The following SREBF2 variants were observed in gnomAD, a reference collection of about 807,000 sequenced individuals.
SREBF2 encodes the protein sterol regulatory element-binding protein 2.
In SREBF2, 55 loss-of-function variants were observed where a neutral mutation model predicts 113.1. The ratio of observed to expected loss-of-function variants is 0.49; its 90% CI spans 0.39 to 0.61. SREBF2 has a LOEUF of 0.61. SREBF2 is among the 20% of genes least tolerant of loss of function. The pLI, the probability that SREBF2 is intolerant of heterozygous loss-of-function variation, is 0.00. For synonymous variants in SREBF2, 593 were observed against 605.7 expected (o/e 0.98, Z 0.31); for missense variants, 1,349 against 1,487.4 (o/e 0.91, Z 1.53).
In SREBF2 at chr22:41,905,752, GTCT is replaced by G; in HGVS notation, c.*97_*99del. The G allele has an allele frequency of 1.4e-6, 2 of 1,400,256 alleles. No homozygotes were observed. The highest frequency in any genetic ancestry group is 5.0e-5 in the East Asian group (2 of 40,190). 86.7% of individuals were successfully genotyped at this position (1,400,256 alleles called of 1,614,324 possible). The stretch of plus-strand genomic sequence containing the variant: ...GCTGAGAGTGGTGGGGAAGAGCCTT[GTCT>G]TCTTAGCTGTCACCTGCCGAGGCTT... On this transcript the variant is annotated 3_prime_UTR_variant, in exon 19 of 19. Transcript: ENST00000361204.
At chr22:41,850,272 A>C (rs1387626258) in intron 1 of SREBF2, among the ~76,000 whole-genome samples, 1 of 151,652 alleles carries the variant, frequency 6.6e-6, no homozygotes, top group Non-Finnish European at 1.5e-5. Flanking sequence ...ACATGGTGAA[A>C]CCCTGTCTCT....
At chr22:41,846,494 C>T (rs560310765) in intron 1 of SREBF2, among the ~76,000 whole-genome samples, 4 of 152,280 alleles carry the variant, frequency 2.6e-5, no homozygotes, top group Admixed American at 6.5e-5. Flanking sequence ...ATGGGAGGGT[C>T]GGGTCTGATG....
At chr22:41,896,614 C>T (rs2148415393) in intron 13 of SREBF2, among the ~76,000 whole-genome samples, 1 of 152,334 alleles carries the variant, frequency 6.6e-6, no homozygotes, top group Non-Finnish European at 1.5e-5. Flanking sequence ...CTGCCTTGGC[C>T]TCCCAAAGTG....
intron 10 of SREBF2, 81 bp from the exon 11 acceptor site, chr22:41,884,761 C>A: frequency 1.3e-6 from 2 of 1,504,146 alleles, no homozygotes; most frequent in Non-Finnish European, 1.8e-6. Context: ...TCCTCTCTTA[C>A]TTTGATCGTG....
At chr22:41,835,039 A>G (rs180707890) in intron 1 of SREBF2, among the ~76,000 whole-genome samples, 125 of 152,270 alleles carry the variant, frequency 8.2e-4, no homozygotes, top group African/African-American at 2.9e-3. Flanking sequence ...AAAGTACTGT[A>G]TGTCTATAGC....
intron 11 of SREBF2, among the ~76,000 whole-genome samples, chr22:41,887,221 GA>G (rs897543400): frequency 3.2e-4 from 43 of 135,220 alleles, no homozygotes; most frequent in Admixed American, 5.8e-4. Context: ...TCCGTCTCAA[GA>G]AAAAAAAAAA....
chr22:41,883,693 C>T (rs1470701004), intron 10 of SREBF2, among the ~76,000 whole-genome samples: 1 of 152,178 alleles, frequency 6.6e-6, no homozygotes, highest in Non-Finnish European at 1.5e-5. Context: ...AGGAGGAACA[C>T]CTGAGGCCAG....
chr22:41,833,244 G>C lies in SREBF2; in HGVS notation c.-27G>C, dbSNP rs1331550507. 2 of 1,505,756 alleles carry C rather than the reference G, an allele frequency of 1.3e-6. No individual in the cohort carries two copies. Among genetic ancestry groups the C allele is most frequent in the African/African-American group, 1.4e-5 (1 of 69,574 alleles). The allele number at this position is 1,505,756 out of a possible 1,614,324, so 93.3% of individuals were successfully genotyped here. A position where few individuals can be genotyped will look rare whatever the true frequency, so the allele number is the denominator to read the frequency against. ...CCGCGTCTCCCTGAGCGGGACGGCA[G>C]GGGGGGCTTCTGCGCTGAGCCGGGC... is the stretch of plus-strand genomic sequence containing the variant. On this transcript the variant is annotated 5_prime_UTR_variant, in exon 1 of 19. Transcript: ENST00000361204. The surrounding 1 kb of genome is among the most constrained non-coding windows in gnomAD (Gnocchi z 4.1).
chr22:41,870,789 C>A, intron 3 of SREBF2, 100 bp from the exon 4 acceptor site: 3 of 1,463,640 alleles, frequency 2.0e-6, no homozygotes, highest in Non-Finnish European at 2.9e-6. Context: ...AAAATTATAT[C>A]ATTTCTCATT....
At chr22:41,870,797 ATTCT>A in intron 3 of SREBF2, 88 bp from the exon 4 acceptor site, 1 of 1,499,494 alleles carries the variant, frequency 6.7e-7, no homozygotes, top group Non-Finnish European at 9.3e-7. Context: ...ATCATTTCTC[ATTCT>A]TTCTTGGAAG....
At chr22:41,842,471 T>G (rs952273924) in intron 1 of SREBF2, among the ~76,000 whole-genome samples, 2 of 152,250 alleles carry the variant, frequency 1.3e-5, no homozygotes, top group African/African-American at 2.4e-5. Flanking sequence ...GGTTTTCCAT[T>G]TGATGATGCC....
intron 10 of SREBF2, among the ~76,000 whole-genome samples, chr22:41,883,638 A>G (rs1189714913): frequency 6.6e-6 from 1 of 152,256 alleles, no homozygotes; most frequent in East Asian, 1.9e-4. Context: ...TAACTACAGT[A>G]TGGTTGCCAC....
intron 1 of SREBF2, among the ~76,000 whole-genome samples, chr22:41,840,926 A>G (rs748960572): frequency 3.9e-5 from 6 of 152,142 alleles, no homozygotes; most frequent in African/African-American, 9.7e-5. Flanking sequence ...GAGCCTTTCC[A>G]TGGCACTGAT....
chr22:41,855,722 T>C (rs2076971199), intron 1 of SREBF2, among the ~76,000 whole-genome samples: 1 of 152,026 alleles, frequency 6.6e-6, no homozygotes, highest in Non-Finnish European at 1.5e-5. Flanking sequence ...AGATAACTTT[T>C]AGGCAGGCAG....
chr22:41,896,561 A>G (rs973823245), intron 13 of SREBF2, among the ~76,000 whole-genome samples: 10 of 152,068 alleles, frequency 6.6e-5, no homozygotes, highest in South Asian at 4.1e-4. Flanking sequence ...GAGTTTCACC[A>G]TTGGTCAGGC....
intron 1 of SREBF2, 126 bp from the exon 2 acceptor site, chr22:41,866,705 T>A: frequency 8.8e-7 from 1 of 1,137,500 alleles, no homozygotes; most frequent in Non-Finnish European, 1.3e-6. Flanking sequence ...GAGGTAAGGG[T>A]TTCCTGACCC....
chr22:41,905,566 G>T lies in SREBF2; in HGVS notation c.3332G>T (p.Arg1111Leu). Reference sequence around the variant, plus strand: ...GCAGTGCTGCTGGCCGAAGCTGCCCGCACCCTGGAGAAGGTGGGCGACCGG... The same window carrying T: ...GCAGTGCTGCTGGCCGAAGCTGCCCTCACCCTGGAGAAGGTGGGCGACCGG... ...QRAVLLAEAA[R>L]TLEKVGDRRS... Residue 1111 changes from arginine to leucine, a missense_variant, in exon 19 of 19, where the codon CGC becomes CTC. This residue lies in a region of SREBF2 where 650 missense variants were observed against 644.1 expected (regional missense o/e 1.01). Coordinates refer to ENST00000361204, the MANE Select transcript of SREBF2 (RefSeq NM_004599.4). 6.3e-7 allele frequency: 1 copy of T among 1,595,792 alleles called. No homozygotes were observed. The highest frequency in any genetic ancestry group is 1.1e-5 in the South Asian group (1 of 88,028).
Position 41,833,417 on chromosome 22 carries a change from CGCGCCCGGGTGCGCGT to C in SREBF2, c.88+66_88+81del, listed in dbSNP as rs2076732359. 6.9e-7 allele frequency: 1 copy of C among 1,456,612 alleles called. No individual in the cohort carries two copies. The highest frequency in any genetic ancestry group is 9.3e-7 in the Non-Finnish European group (1 of 1,080,480). The allele number at this position is 1,456,612 out of a possible 1,614,324, so 90.2% of individuals were successfully genotyped here. On this transcript the variant is annotated intron_variant, in intron 1 of 18. Transcript: ENST00000361204. This position sits in a 1 kb window ranked among gnomAD's most constrained non-coding sequence, Gnocchi z 4.1. ...CGCGGGGAGGAAGGGGTTACGGCGG[CGCGCCCGGGTGCGCGT>C]GCGCCCACCCCCCGACAGCCCCGGT...
At chr22:41,877,118 T>C in intron 7 of SREBF2, 111 bp from the exon 8 acceptor site, 1 of 1,135,826 alleles carries the variant, frequency 8.8e-7, no homozygotes, top group South Asian at 1.3e-5. Context: ...CCTGAGTTAA[T>C]CGACTTGAAT....
Sources: allele counts gnomAD v4.1 joint callset (sites outside exome capture counted in the v4.1 genomes callset), GRCh38; gene constraint gnomAD v4.1.1; regional missense constraint gnomAD v4.1.1; non-coding constraint Gnocchi (gnomAD v3.1); transcripts MANE v1.5; gene names NCBI Gene and HGNC (gene_info 2026-07-23, HGNC 2026-07-21).